CAP2: variants seen among roughly 807,000 people sequenced by gnomAD.
CAP2 encodes cyclase associated actin cytoskeleton regulatory protein 2.
In CAP2, 24 loss-of-function variants were observed where a neutral mutation model predicts 57.7. The ratio of observed to expected loss-of-function variants is 0.42; its 90% CI spans 0.30 to 0.58. The LOEUF (loss-of-function observed/expected upper bound fraction) is 0.58. Ranked by LOEUF, CAP2 falls within the 20% of genes least tolerant of loss-of-function variation. The pLI, the probability that CAP2 is intolerant of heterozygous loss-of-function variation, is 0.22. For missense variants in CAP2, 501 were observed against 590.3 expected (o/e 0.85, Z 1.57); for synonymous variants, 194 against 207.2 (o/e 0.94, Z 0.55).
At chr6:17,448,083 A>G (rs564438528) in intron 3 of CAP2, among the ~76,000 whole-genome samples, 1 of 152,380 alleles carries the variant, frequency 6.6e-6, no homozygotes, top group African/African-American at 2.4e-5. Flanking sequence ...GCCACAAGGC[A>G]TGTATACATG....
intron 7 of CAP2, chr6:17,531,694 A>G (rs1762644266): frequency 2.9e-6 from 2 of 691,084 alleles, no homozygotes; most frequent in South Asian, 3.6e-5. Flanking sequence ...GAACACTAAT[A>G]GGTTGTCTGA....
chr6:17,537,892 C>A (rs1762810023), intron 7 of CAP2, among the ~76,000 whole-genome samples: 3 of 152,078 alleles, frequency 2.0e-5, no homozygotes, highest in African/African-American at 7.2e-5. Context: ...CATGGCAAAA[C>A]CCTGTGTCTA....
chr6:17,511,989 G>C (rs1294127766), intron 6 of CAP2, among the ~76,000 whole-genome samples: 1 of 151,566 alleles, frequency 6.6e-6, no homozygotes, highest in Non-Finnish European at 1.5e-5. Context: ...CTTATTACAA[G>C]TTTTGCTAGA....
At chr6:17,499,119 T>G (rs1761737840) in intron 4 of CAP2, among the ~76,000 whole-genome samples, 2 of 151,822 alleles carry the variant, frequency 1.3e-5, no homozygotes, top group Admixed American at 1.3e-4. Context: ...AAATAAGGGC[T>G]TTAAAGTGGT....
At position 17,541,400 on chromosome 6, in the gene CAP2, T is replaced by G. The variant is rs559728880; in HGVS notation, c.1002+252T>G. Reference sequence around the variant, plus strand: ...TTCGAGACCAGCCTGGCCAACATGGTGAAACCCTATCTCTACTAAAAATAC... The same window carrying G: ...TTCGAGACCAGCCTGGCCAACATGGGGAAACCCTATCTCTACTAAAAATAC... On this transcript the variant is annotated intron_variant, in intron 9 of 12. Coordinates refer to ENST00000229922, the MANE Select transcript of CAP2 (RefSeq NM_006366.3). Among the ~76,000 whole-genome samples, 5 of 152,066 alleles carry G rather than the reference T, an allele frequency of 3.3e-5. No homozygotes were observed. The South Asian group carries it at 1.0e-3, about 32-fold the overall frequency.
Position 17,478,714 on chromosome 6 carries a change from C to T in CAP2, c.300+15641C>T, listed in dbSNP as rs569934743. ...TTTACTGCCAGCCTTCTTAGGAACA[C>T]TCTGTCCTCCCTGATGTCATGTCCT... On this transcript the variant is annotated intron_variant, in intron 4 of 12. Transcript: ENST00000229922. Among the ~76,000 whole-genome samples, 7 of 152,278 alleles carry T rather than the reference C, an allele frequency of 4.6e-5. No individual in the cohort carries two copies. In the South Asian group the frequency reaches 1.5e-3, roughly 32 times the overall value.
chr6:17,438,698 C>G (rs547430447), intron 3 of CAP2, among the ~76,000 whole-genome samples: 1 of 148,650 alleles, frequency 6.7e-6, no homozygotes, highest in Non-Finnish European at 1.5e-5. Flanking sequence ...CTCGGCCTCC[C>G]AAAGTGCTGG....
At chr6:17,474,723 TA>T (rs2113613759) in intron 4 of CAP2, among the ~76,000 whole-genome samples, 1 of 151,494 alleles carries the variant, frequency 6.6e-6, no homozygotes, top group East Asian at 1.9e-4. Flanking sequence ...CTTCTACTGT[TA>T]TTTTTTTGTG....
intron 7 of CAP2, among the ~76,000 whole-genome samples, chr6:17,534,820 A>G (rs1762734363): frequency 6.6e-6 from 1 of 152,154 alleles, no homozygotes; most frequent in Non-Finnish European, 1.5e-5. Flanking sequence ...AATCACCCTG[A>G]GGGGTCGTGT....
At chr6:17,489,610 G>A (rs1292881355) in intron 4 of CAP2, among the ~76,000 whole-genome samples, 1 of 152,028 alleles carries the variant, frequency 6.6e-6, no homozygotes, top group African/African-American at 2.4e-5. Context: ...TACCATCACA[G>A]GGAGAGTTAA....
intron 2 of CAP2, 152 bp from the exon 3 acceptor site, chr6:17,426,438 T>C (rs1246214558): frequency 1.7e-6 from 1 of 577,400 alleles, no homozygotes; most frequent in African/African-American, 1.9e-5. Flanking sequence ...TTTCACCATG[T>C]TGTCCAGGCT....
intron 12 of CAP2, among the ~76,000 whole-genome samples, chr6:17,555,580 G>C (rs913812609): frequency 6.8e-6 from 1 of 146,804 alleles, no homozygotes; most frequent in African/African-American, 2.5e-5. Context: ...TTATTTTTTG[G>C]AGATGGAGTT....
chr6:17,509,407 G>A (rs1382333154), intron 6 of CAP2, among the ~76,000 whole-genome samples: 1 of 152,114 alleles, frequency 6.6e-6, no homozygotes, highest in African/African-American at 2.4e-5. Context: ...ACCAGGTGTG[G>A]TGGCTCACTC....
intron 2 of CAP2, among the ~76,000 whole-genome samples, chr6:17,425,121 T>C (rs926157000): frequency 6.6e-6 from 1 of 152,192 alleles, no homozygotes; most frequent in African/African-American, 2.4e-5. Context: ...AAATGGGTAA[T>C]TGGGAAAAAG....
intron 4 of CAP2, among the ~76,000 whole-genome samples, chr6:17,469,665 A>G (rs527604707): frequency 6.6e-6 from 1 of 152,094 alleles, no homozygotes; most frequent in African/African-American, 2.4e-5. Context: ...TTGAACTTGT[A>G]CTTTAAAGGG....
At chr6:17,438,444 T>G (rs1178287114) in intron 3 of CAP2, among the ~76,000 whole-genome samples, 2 of 128,102 alleles carry the variant, frequency 1.6e-5, no homozygotes, top group Non-Finnish European at 3.2e-5. Context: ...TTTTTTTTTT[T>G]TTTTTTTTTT....
At chr6:17,533,338 G>A (rs1470458357) in intron 7 of CAP2, among the ~76,000 whole-genome samples, 3 of 152,020 alleles carry the variant, frequency 2.0e-5, no homozygotes, top group African/African-American at 4.8e-5. Context: ...GGAGGCAGCT[G>A]TTCCCAGGAC....
chr6:17,539,682 G>C (rs1762854529), intron 8 of CAP2, among the ~76,000 whole-genome samples: 1 of 152,156 alleles, frequency 6.6e-6, no homozygotes, highest in South Asian at 2.1e-4. Context: ...AGTATTCAGA[G>C]ACTCTGGGTT....
At chr6:17,408,206 G>C (rs1759037476) in intron 1 of CAP2, among the ~76,000 whole-genome samples, 1 of 152,160 alleles carries the variant, frequency 6.6e-6, no homozygotes, top group Non-Finnish European at 1.5e-5. Context: ...TCTGTTTCTG[G>C]TAAAGGCCTC....
Sources: allele counts gnomAD v4.1 joint callset (sites outside exome capture counted in the v4.1 genomes callset), GRCh38; gene constraint gnomAD v4.1.1; transcripts MANE v1.5; gene names NCBI Gene and HGNC (gene_info 2026-07-23, HGNC 2026-07-21).